OTOF: variants seen among roughly 807,000 people sequenced by gnomAD.
OTOF encodes fer-1-like family member 2.
Under a neutral mutation model 236.8 loss-of-function variants are expected in OTOF, and 218 were observed. That is an observed-to-expected ratio of 0.92 (90% confidence interval 0.82 to 1.03). The LOEUF (loss-of-function observed/expected upper bound fraction) is 1.03. Among genes scored for constraint, OTOF ranks in the 50% least tolerant of loss-of-function variants. The probability of loss-of-function intolerance (pLI) is 0.00; values close to 1 mark genes in which losing one functional copy is unlikely to be tolerated. For synonymous variants in OTOF, 1,041 were observed against 1,072.5 expected, an observed-to-expected ratio of 0.97 and a Z score of 0.57; for missense variants, 2,590 against 2,694.4, an observed-to-expected ratio of 0.96 and a Z score of 0.86.
chr2:26,474,752 G>C, intron 25 of OTOF, 78 bp from the exon 26 acceptor site: 1 of 1,508,604 alleles, frequency 6.6e-7, no homozygotes, highest in Non-Finnish European at 9.2e-7. Context: ...TTACCACAGC[G>C]CCATGAGTTG....
chr2:26,461,044 A>G lies in OTOF; in HGVS notation c.5534-14T>C. 1 of 1,173,632 alleles carries G rather than the reference A, an allele frequency of 8.5e-7. No homozygotes were observed. The highest frequency in any genetic ancestry group is 1.1e-6 in the Non-Finnish European group (1 of 871,816). The allele number at this position is 1,173,632 out of a possible 1,614,324, so 72.7% of individuals were successfully genotyped here. A position where few individuals can be genotyped will look rare whatever the true frequency, so the allele number is the denominator to read the frequency against. ...GCTCGATGGCCCCTGTGGCAACCTC[A>G]GTGTCAGCTCAGAGTGAACAGGGCT... On this transcript the variant is annotated splice_polypyrimidine_tract_variant and intron_variant, in intron 43 of 46. Transcript: ENST00000272371. This position sits in a 1 kb window ranked among gnomAD's most constrained non-coding sequence, Gnocchi z 6.2.
intron 10 of OTOF, 65 bp from the exon 11 acceptor site, chr2:26,489,360 G>A (rs1025503263): frequency 1.4e-4 from 173 of 1,267,876 alleles, no homozygotes; most frequent in Non-Finnish European, 1.8e-4. Flanking sequence ...ATGGGGCAGT[G>A]GTGGGACCCG....
chr2:26,492,128 G>C (rs184888914), intron 9 of OTOF, among the ~76,000 whole-genome samples: 50 of 152,306 alleles, frequency 3.3e-4, no homozygotes, highest in African/African-American at 1.1e-3. Context: ...TGGAAAGGCT[G>C]ATTTGGGGCT....
intron 15 of OTOF, 87 bp from the exon 16 acceptor site, chr2:26,480,398 C>T (rs887917250): frequency 9.4e-6 from 8 of 847,426 alleles, no homozygotes; most frequent in South Asian, 4.1e-5. Flanking sequence ...ACAGACAGGC[C>T]GTGGGGGTGG....
chr2:26,545,029 A>G (rs1425661340), intron 1 of OTOF, among the ~76,000 whole-genome samples: 2 of 130,964 alleles, frequency 1.5e-5, no homozygotes, highest in African/African-American at 5.8e-5. Flanking sequence ...TGACAGAACG[A>G]GATGCCATCC....
At position 26,484,662 on chromosome 2, in the gene OTOF, C is replaced by T. The variant is rs1387782727; in HGVS notation, c.1046-29G>A. On this transcript the variant is annotated intron_variant, in intron 11 of 46. Transcript: ENST00000272371. ...CAATGATGAGGGGTGGGCACTGCAC[C>T]AGACACCCCCACCCAGAGCGTCTCC... 5 of 1,611,258 alleles carry T rather than the reference C, an allele frequency of 3.1e-6. No individual in the cohort carries two copies. The Admixed American group carries it at 6.7e-5, about 22-fold the overall frequency.
chr2:26,475,355 A>G lies in OTOF; in HGVS notation c.3126+4T>C. On this transcript the variant is annotated splice_donor_region_variant and intron_variant, in intron 25 of 46. Coordinates refer to ENST00000272371, the MANE Select transcript of OTOF (RefSeq NM_194248.3). ...GGGTCCCTGGCACCAGAGCCCACCC[A>G]TACCATGGAATCCTGGTCATAGATT... The G allele has an allele frequency of 6.2e-7, 1 of 1,612,922 alleles. No homozygotes were observed. The highest frequency in any genetic ancestry group is 8.5e-7 in the Non-Finnish European group (1 of 1,179,924).
At chr2:26,532,465 C>T (rs1429200434) in intron 2 of OTOF, among the ~76,000 whole-genome samples, 1 of 152,132 alleles carries the variant, frequency 6.6e-6, no homozygotes, top group African/African-American at 2.4e-5. Context: ...ATGCTGGGGG[C>T]GAACATTTGC....
intron 3 of OTOF, among the ~76,000 whole-genome samples, chr2:26,522,437 G>A (rs1406661947): frequency 6.6e-6 from 1 of 152,192 alleles, no homozygotes. Flanking sequence ...TCTTTGGGAA[G>A]AAGCTGGGAC....
rs200956703 is a variant in OTOF, at chr2:26,471,174, G to A, written c.3865-24C>T. 2.9e-5 allele frequency: 46 copies of A among 1,613,820 alleles called. 1 individual carries two copies. Among genetic ancestry groups the A allele is most frequent in the Non-Finnish European group, 3.8e-5 (45 of 1,179,922 alleles). ...GTCTGCAGAGGAACCAAGGAGACAG[G>A]GGCAGAATCAGCCACTGGGGCCTGG... On this transcript the variant is annotated intron_variant, in intron 30 of 46. Transcript: ENST00000272371.
chr2:26,496,392 G>A (rs184847385), intron 8 of OTOF, among the ~76,000 whole-genome samples: 8 of 150,758 alleles, frequency 5.3e-5, no homozygotes, highest in South Asian at 2.1e-4. Context: ...ATGCCACCCC[G>A]CCCGGCTAAT....
At chr2:26,557,339 C>T (rs540231492) in intron 1 of OTOF, among the ~76,000 whole-genome samples, 4 of 152,296 alleles carry the variant, frequency 2.6e-5, no homozygotes, top group East Asian at 3.9e-4. Flanking sequence ...ACCCCTCTCT[C>T]GGGAGAAGGG....
chr2:26,495,114 G>A (rs2148072127), intron 8 of OTOF, 41 bp from the exon 9 acceptor site: 1 of 1,612,312 alleles, frequency 6.2e-7, no homozygotes, highest in Non-Finnish European at 8.5e-7. Context: ...AAAGCTGCCT[G>A]AGCCTAGGAG....
At chr2:26,464,233 C>T in intron 39 of OTOF, 127 bp from the exon 40 acceptor site, 3 of 1,199,852 alleles carry the variant, frequency 2.5e-6, no homozygotes, top group Non-Finnish European at 3.6e-6. Flanking sequence ...CTCCTTTTCA[C>T]TGTTGGGGAA....
At position 26,460,625 on chromosome 2, in the gene OTOF, G is replaced by T. The variant is rs1664414354; in HGVS notation, c.5813+22C>A. On this transcript the variant is annotated intron_variant, in intron 45 of 46. Coordinates refer to ENST00000272371, the MANE Select transcript of OTOF (RefSeq NM_194248.3). The surrounding 1 kb of genome is among the most constrained non-coding windows in gnomAD (Gnocchi z 5.3). ...CCTCCAAGAGCCAGAGTGGGGAGGG[G>T]CTGGGCCGGCAGGGCACTCACTTGG... 6.3e-7 allele frequency: 1 copy of T among 1,590,506 alleles called. No individual in the cohort carries two copies.
chr2:26,480,592 AGGCAGTGGACGAG>A (rs764105565), intron 15 of OTOF, among the ~76,000 whole-genome samples, 181 bp downstream of exon 15: 20 of 152,336 alleles, frequency 1.3e-4, no homozygotes, highest in Non-Finnish European at 2.8e-4. Context: ...GAGCACAGGC[AGGCAGTGGACGAG>A]GGCAGAGTCC....
intron 12 of OTOF, among the ~76,000 whole-genome samples, chr2:26,484,209 G>A (rs1006966075): frequency 6.6e-6 from 1 of 152,220 alleles, no homozygotes; most frequent in Non-Finnish European, 1.5e-5. Flanking sequence ...GGACCCAGCA[G>A]CTGCTGGTTC....
intron 1 of OTOF, among the ~76,000 whole-genome samples, chr2:26,541,833 G>T (rs554993999): frequency 6.6e-6 from 1 of 152,328 alleles, no homozygotes; most frequent in Non-Finnish European, 1.5e-5. Context: ...CCTCTTCCTT[G>T]CATGGAAAGG....
rs767664276 is a variant in OTOF, at chr2:26,516,525, C to T, written c.402G>A (p.Leu134=). The change falls in exon 5 of 47, where the codon CTG becomes CTA. Residue 134 remains leucine (L), a synonymous_variant. Coordinates refer to ENST00000272371, the MANE Select transcript of OTOF (RefSeq NM_194248.3). Reference sequence around the variant, plus strand: ...CTTCCTCTTGAAGAGACTCATCTCCCAGGAAGTCCCCATCGTCCCAGGAGC... The same window carrying T: ...CTTCCTCTTGAAGAGACTCATCTCCTAGGAAGTCCCCATCGTCCCAGGAGC... ...TVGSWDDGDF[L]GDESLQEEEK... is the part of the protein sequence containing the mutation. 7 of 1,613,266 alleles carry T rather than the reference C, an allele frequency of 4.3e-6. No homozygotes were observed. In the South Asian group the frequency reaches 7.7e-5, roughly 18 times the overall value.
Sources: gnomAD v4.1 joint callset for allele counts (sites outside exome capture counted in the v4.1 genomes callset) on GRCh38, gnomAD v4.1.1 for gene constraint, Gnocchi (gnomAD v3.1) non-coding constraint, MANE v1.5 for transcripts, NCBI Gene and HGNC (gene_info 2026-07-23, HGNC 2026-07-21) for gene names.